BST1: variants seen among roughly 807,000 people sequenced by gnomAD.
The protein encoded by BST1 is ADP-ribosyl cyclase/cyclic ADP-ribose hydrolase 2.
In BST1, 49 loss-of-function variants were observed where a neutral mutation model predicts 40.6. That is an observed-to-expected ratio of 1.21 (90% CI 0.96 to 1.53). BST1 has a LOEUF of 1.53. Ranked by LOEUF, BST1 falls within the 40% of genes most tolerant of loss-of-function variation. The pLI, the probability that BST1 is intolerant of heterozygous loss-of-function variation, is 0.00. For synonymous variants in BST1, 157 were observed against 159.3 expected (o/e 0.99, Z 0.11); for missense variants, 423 against 395.9 (o/e 1.07, Z -0.58).
rs73801704 is a variant in BST1, at chr4:15,738,203, G to A, written c.*429G>A. ...GGTGGGGATGCTGCCAGTGGGGGAG[G>A]CTATGTATGTGTGGGGACAGAGCGT... On this transcript the variant is annotated 3_prime_UTR_variant, in exon 7 of 7. Coordinates refer to the BST1 transcript ENST00000514445. 725 of 178,280 alleles carry A rather than the reference G, an allele frequency of 4.1e-3. 6 individuals are homozygous for A. The highest frequency in any genetic ancestry group is 0.016 in the African/African-American group (679 of 42,478). 11.0% of individuals were successfully genotyped at this position (178,280 alleles called of 1,614,324 possible). A position where few individuals can be genotyped will look rare whatever the true frequency, so the allele number is the denominator to read the frequency against.
intron 4 of BST1, among the ~76,000 whole-genome samples, chr4:15,712,540 T>C (rs891658082): frequency 1.3e-5 from 2 of 152,180 alleles, no homozygotes; most frequent in African/African-American, 4.8e-5. Context: ...AAACATTAGC[T>C]AGGTTGACCA....
At chr4:15,730,473 C>T (rs2148896071) in intron 8 of BST1, among the ~76,000 whole-genome samples, 1 of 152,176 alleles carries the variant, frequency 6.6e-6, no homozygotes, top group East Asian at 1.9e-4. Flanking sequence ...TGTGTTCCAT[C>T]CGTACAATAA....
At chr4:15,758,018 T>A in the BST1 span, among the ~76,000 whole-genome samples, 1 of 152,260 alleles carries the variant, frequency 6.6e-6, no homozygotes, top group East Asian at 1.9e-4. Flanking sequence ...ATTTTTATTG[T>A]AAATTGACAA....
the BST1 span, among the ~76,000 whole-genome samples, chr4:15,754,259 C>T: frequency 2.6e-5 from 4 of 152,042 alleles, no homozygotes; most frequent in Admixed American, 6.6e-5. Context: ...TGGTGTTCTG[C>T]AGAACAATAG....
chr4:15,747,380 C>G, the BST1 span, among the ~76,000 whole-genome samples: 1 of 151,322 alleles, frequency 6.6e-6, no homozygotes, highest in Admixed American at 6.6e-5. Context: ...CACCAAGCCT[C>G]CACTATTCTG....
At chr4:15,731,579 C>A in intron 8 of BST1, 161 bp from the exon 9 acceptor site, 1 of 1,095,606 alleles carries the variant, frequency 9.1e-7, no homozygotes, top group Non-Finnish European at 1.4e-6. Flanking sequence ...CGGTGCAGGA[C>A]TTCGCGCACC....
At chr4:15,714,040 G>A (rs1308051768) in intron 4 of BST1, among the ~76,000 whole-genome samples, 1 of 151,298 alleles carries the variant, frequency 6.6e-6, no homozygotes, top group Non-Finnish European at 1.5e-5. Context: ...TTTTCTTTTT[G>A]TCAGTGTAAT....
chr4:15,740,887 CT>C (rs1253063067), downstream of BST1, among the ~76,000 whole-genome samples: 2 of 151,926 alleles, frequency 1.3e-5, no homozygotes, highest in Non-Finnish European at 1.5e-5. Flanking sequence ...TGAAGTAATA[CT>C]TTTAGCTTTG....
chr4:15,767,027 G>A, the BST1 span, among the ~76,000 whole-genome samples: 1 of 151,804 alleles, frequency 6.6e-6, no homozygotes, highest in African/African-American at 2.4e-5. Flanking sequence ...AGGCCAAGGT[G>A]AAGCATGAAC....
At chr4:15,707,761 T>C in intron 3 of BST1, 115 bp downstream of exon 3, 1 of 1,288,824 alleles carries the variant, frequency 7.8e-7, no homozygotes, top group Non-Finnish European at 1.1e-6. Context: ...CCAAGTCCTC[T>C]GAGATAAGTG....
At chr4:15,703,489 TG>T (rs1450619853) in intron 1 of BST1, among the ~76,000 whole-genome samples, 157 bp downstream of exon 1, 1 of 132,654 alleles carries the variant, frequency 7.5e-6, no homozygotes, top group Non-Finnish European at 1.6e-5. Context: ...TCCTGAACGA[TG>T]GGGGCGAGTG....
intron 6 of BST1, 90 bp from the exon 7 acceptor site, chr4:15,718,817 T>C (rs1336710906): frequency 2.6e-5 from 28 of 1,089,434 alleles, no homozygotes; most frequent in Non-Finnish European, 3.6e-5. Context: ...CAGGAGCACA[T>C]GGTCAAAAGA....
At chr4:15,728,643 C>CT (rs869200119) in intron 8 of BST1, among the ~76,000 whole-genome samples, 13,385 of 119,778 alleles carry the variant, frequency 0.11, 1,023 homozygotes, top group African/African-American at 0.14. Flanking sequence ...TCCTTCCTTC[C>CT]TTTTTTTTTT....
At chr4:15,722,960 G>T (rs373444765) in intron 8 of BST1, 26 bp downstream of exon 8, 3 of 1,605,750 alleles carry the variant, frequency 1.9e-6, no homozygotes, top group Non-Finnish European at 8.5e-7. Context: ...AACCCAAATC[G>T]TTCTTTCCAA....
At chr4:15,731,254 C>T in intron 8 of BST1, 1 of 488,414 alleles carries the variant, frequency 2.0e-6, no homozygotes, top group Non-Finnish European at 3.7e-6. Flanking sequence ...TAGGACTGGG[C>T]CGAGGATTCG....
At chr4:15,723,508 A>G in intron 8 of BST1, 1 of 971,740 alleles carries the variant, frequency 1.0e-6, no homozygotes, top group East Asian at 1.1e-4. Flanking sequence ...TTGGCCTCCT[A>G]AAGTGCTGGG....
downstream of BST1, among the ~76,000 whole-genome samples, chr4:15,738,846 G>A (rs1577605593): frequency 6.6e-6 from 1 of 152,328 alleles, no homozygotes; most frequent in East Asian, 1.9e-4. Flanking sequence ...TGCCAAAGGT[G>A]CCAAATGAAC....
chr4:15,755,383 C>A, the BST1 span, among the ~76,000 whole-genome samples: 1 of 152,252 alleles, frequency 6.6e-6, no homozygotes, highest in African/African-American at 2.4e-5. Flanking sequence ...TTGATCCGCC[C>A]GCCTTGGCCT....
At chr4:15,767,601 C>T in the BST1 span, among the ~76,000 whole-genome samples, 311 of 134,422 alleles carry the variant, frequency 2.3e-3, no homozygotes, top group Non-Finnish European at 3.8e-3. Flanking sequence ...CCGTGCCCGG[C>T]CCTACTTTTT....
Sources: gnomAD v4.1 joint callset for allele counts (sites outside exome capture counted in the v4.1 genomes callset) on GRCh38, gnomAD v4.1.1 for gene constraint, MANE v1.5 for transcripts, NCBI Gene and HGNC (gene_info 2026-07-23, HGNC 2026-07-21) for gene names.